Variants in AGAP4 observed in about 807,000 individuals in gnomAD.
AGAP4 encodes ArfGAP with GTPase domain, ankyrin repeat and PH domain 4, also known as arf-GAP with GTPase, ANK repeat and PH domain-containing protein 4.
A neutral mutation model predicts 60.7 loss-of-function variants in AGAP4; 13 were observed. The ratio of observed to expected loss-of-function variants is 0.21; its 90% confidence interval spans 0.14 to 0.34. The LOEUF is 0.34. Among genes scored for constraint, AGAP4 ranks in the 10% least tolerant of loss-of-function variants. AGAP4 has a pLI of 1.00. For synonymous variants in AGAP4, 70 were observed against 339.0 expected (o/e 0.21, Z 8.72); for missense variants, 169 against 884.0 (o/e 0.19, Z 10.26).
chr10:45,834,451 G>A (rs1437573733), intron 4 of AGAP4, among the ~76,000 whole-genome samples: 22 of 138,272 alleles, frequency 1.6e-4, no homozygotes, highest in South Asian at 4.6e-4. Context: ...GGAGGCGGGC[G>A]GATCACGAGG....
chr10:45,829,805 A>G (rs1402757669), intron 6 of AGAP4, among the ~76,000 whole-genome samples: 1 of 150,778 alleles, frequency 6.6e-6, no homozygotes, highest in Non-Finnish European at 1.5e-5. Context: ...GGACTTTGAA[A>G]AACTTGTTCC....
Position 45,827,292 on chromosome 10 carries a change from G to T in AGAP4, c.684C>A (p.Asp228Glu), listed in dbSNP as rs1250724509. The change falls in exon 8 of 8, where the codon GAC (aspartate) becomes GAA (glutamate). Residue 228 changes from aspartate to glutamate, a missense_variant. Coordinates refer to ENST00000616763, the MANE Select transcript of AGAP4 (RefSeq NM_001276343.3). ...IPSTPSTSQE[D>E]PQFSVPPTAN... The stretch of plus-strand genomic sequence containing the variant: ...CAGTGGGAGGAACACTGAACTGAGG[G>T]TCCTCCTGGCTGGTGCTGGGAGTCG... The T allele has an allele frequency of 6.3e-7, 1 of 1,578,446 alleles. No homozygotes were observed. Among genetic ancestry groups the T allele is most frequent in the Non-Finnish European group, 8.6e-7 (1 of 1,163,818 alleles).
chr10:45,826,600 G>A lies in AGAP4; in HGVS notation c.1376C>T (p.Thr459Ile), dbSNP rs1554896317. ...CAGGGCCATGGCCTTGCTCTGGCTG[G>A]TCAGCTGGGACTTGCTTTTACTGCT... The part of the protein sequence containing the change: ...CESSKSKSQL[T>I]SQSKAMALQS... Residue 459 changes from threonine to isoleucine, a missense_variant, in exon 8 of 8, where the codon ACC becomes ATC. Thr to Ile is a moderately conservative substitution (Grantham distance 89). Transcript: ENST00000616763. 7.2e-7 allele frequency: 1 copy of A among 1,396,024 alleles called. No individual in the cohort carries two copies. Among genetic ancestry groups the A allele is most frequent in the East Asian group, 2.7e-5 (1 of 37,684 alleles). 86.5% of individuals were successfully genotyped at this position (1,396,024 alleles called of 1,614,324 possible). A position where few individuals can be genotyped will look rare whatever the true frequency, so the allele number is the denominator to read the frequency against.
At chr10:45,834,408 G>T (rs1238510280) in intron 4 of AGAP4, among the ~76,000 whole-genome samples, 1 of 142,220 alleles carries the variant, frequency 7.0e-6, no homozygotes, top group Non-Finnish European at 1.5e-5. Context: ...GGGCACGGTG[G>T]CTCACACCTG....
upstream of AGAP4, chr10:45,853,988 C>A (rs1236662070): frequency 3.3e-5 from 28 of 838,568 alleles, no homozygotes; most frequent in Non-Finnish European, 4.4e-5. Context: ...GGACTTAATT[C>A]TACTGGAGAT....
chr10:45,850,148 C>T (rs1382732915), upstream of AGAP4, among the ~76,000 whole-genome samples: 55 of 151,808 alleles, frequency 3.6e-4, 1 homozygote, highest in African/African-American at 1.1e-3. Flanking sequence ...AGGTTGATCT[C>T]GAACTCCTGA....
chr10:45,852,232 A>AACAAAC (rs1554900514), upstream of AGAP4, among the ~76,000 whole-genome samples: 1 of 143,668 alleles, frequency 7.0e-6, no homozygotes, highest in Admixed American at 6.9e-5. Flanking sequence ...AAAAAAAAAA[A>AACAAAC]AAAAAAAAAA....
chr10:45,842,567 A>G (rs1232167426), intron 3 of AGAP4, among the ~76,000 whole-genome samples: 1 of 149,184 alleles, frequency 6.7e-6, no homozygotes, highest in Non-Finnish European at 1.5e-5. Context: ...TAAAATAAGT[A>G]TACAAACCTA....
chr10:45,828,545 C>T (rs1255373575), intron 6 of AGAP4, among the ~76,000 whole-genome samples: 3 of 147,226 alleles, frequency 2.0e-5, no homozygotes, highest in African/African-American at 4.9e-5. Flanking sequence ...CTTTTTAAGA[C>T]GCCAGTCTTT....
chr10:45,834,664 G>A (rs2058784692), intron 4 of AGAP4, among the ~76,000 whole-genome samples: 1 of 46,742 alleles, frequency 2.1e-5, no homozygotes, highest in Non-Finnish European at 3.4e-5. Context: ...GACAAAGTGA[G>A]ACTCCGCCTC....
chr10:45,853,932 C>T, upstream of AGAP4: 1 of 1,177,442 alleles, frequency 8.5e-7, no homozygotes, highest in Non-Finnish European at 1.1e-6. Context: ...CACGTAAGTT[C>T]ATTCATATAT....
chr10:45,833,527 T>G (rs1394885670), intron 5 of AGAP4, among the ~76,000 whole-genome samples: 3 of 149,054 alleles, frequency 2.0e-5, no homozygotes, highest in African/African-American at 7.4e-5. Context: ...TTGTTCCTTT[T>G]AAAATAAACT....
upstream of AGAP4, chr10:45,848,781 G>C (rs1232283615): frequency 1.3e-5 from 2 of 152,038 alleles, no homozygotes; most frequent in African/African-American, 4.8e-5. Flanking sequence ...GTTTCACATG[G>C]CTGGGGAGGC....
intron 6 of AGAP4, among the ~76,000 whole-genome samples, chr10:45,829,832 G>C (rs1182481233): frequency 1.3e-5 from 2 of 150,602 alleles, no homozygotes; most frequent in Non-Finnish European, 3.0e-5. Flanking sequence ...TGTAGGCTTG[G>C]CAGCTTTTCA....
upstream of AGAP4, among the ~76,000 whole-genome samples, chr10:45,849,921 T>C (rs1182983263): frequency 6.6e-6 from 1 of 151,098 alleles, no homozygotes; most frequent in Non-Finnish European, 1.5e-5. Context: ...TTCGTATATT[T>C]TTAAAAGAAT....
intron 1 of AGAP4, chr10:45,853,576 T>C (rs2059109180): frequency 1.6e-6 from 2 of 1,260,418 alleles, no homozygotes; most frequent in South Asian, 2.6e-5. Context: ...ACACTATCAA[T>C]TGTGCAATTA....
intron 5 of AGAP4, 36 bp from the exon 6 acceptor site, chr10:45,831,465 A>G: frequency 3.2e-6 from 5 of 1,586,614 alleles, no homozygotes; most frequent in Non-Finnish European, 4.3e-6. Flanking sequence ...AATAGATGTT[A>G]ACATTTGTTA....
intron 2 of AGAP4, among the ~76,000 whole-genome samples, chr10:45,845,869 A>G (rs1554899375): frequency 1.1e-5 from 1 of 87,734 alleles, no homozygotes; most frequent in Admixed American, 1.2e-4. Flanking sequence ...CGGCCTCCCA[A>G]AGTGCTGGGA....
At chr10:45,851,784 T>C (rs1271351723), upstream of AGAP4, among the ~76,000 whole-genome samples, 9 of 152,090 alleles carry the variant, frequency 5.9e-5, no homozygotes, top group East Asian at 1.9e-4. Flanking sequence ...GCCTGCAATC[T>C]GGATCAGGGA....
Sources: gnomAD v4.1 joint callset for allele counts (sites outside exome capture counted in the v4.1 genomes callset) on GRCh38, gnomAD v4.1.1 for gene constraint, MANE v1.5 for transcripts, NCBI Gene and HGNC (gene_info 2026-07-23, HGNC 2026-07-21) for gene names.